TBC1D24: variants seen among roughly 807,000 people sequenced by gnomAD.
The protein encoded by TBC1D24 is Infantile myoclonic epilepsy.
TBC1D24 carries 47 observed loss-of-function variants against 50.7 expected under a neutral mutation model. The observed-to-expected ratio is 0.93, with a 90% CI of 0.73 to 1.18. The LOEUF (loss-of-function observed/expected upper bound fraction) is 1.18. Ranked by LOEUF, TBC1D24 falls within the 50% of genes most tolerant of loss-of-function variation. TBC1D24 has a pLI of 0.00. For synonymous variants in TBC1D24, 324 were observed against 335.2 expected (o/e 0.97, Z 0.36); for missense variants, 688 against 766.5 (o/e 0.90, Z 1.21).
chr16:2,500,486 C>T lies in TBC1D24; in HGVS notation c.1521C>T (p.Ile507=), dbSNP rs1269959991. The T allele has an allele frequency of 6.4e-6, 10 of 1,560,302 alleles. No individual in the cohort carries two copies. The Admixed American group carries it at 7.6e-5, about 12-fold the overall frequency. ...TGGCGGGGGGCAGCGACTGCCTCATCGTCGGTGAGCGCCAGCAGACGGGGC... is the reference window on the plus strand; with the variant it reads ...TGGCGGGGGGCAGCGACTGCCTCATTGTCGGTGAGCGCCAGCAGACGGGGC... ...MFMAGGSDCL[I]VGGGGGQALY... is the part of the protein sequence containing the mutation. Residue 507 remains isoleucine, a synonymous_variant, in exon 7 of 8, where the codon ATC becomes ATT. Coordinates refer to ENST00000646147, the MANE Select transcript of TBC1D24 (RefSeq NM_001199107.2). This position sits in a 1 kb window ranked among gnomAD's most constrained non-coding sequence, Gnocchi z 8.0.
chr16:2,477,645 T>C (rs1479373725), intron 1 of TBC1D24: 1 of 152,228 alleles, frequency 6.6e-6, no homozygotes, highest in Non-Finnish European at 1.5e-5. Context: ...GTGGATTTGG[T>C]GTTAAGACTT....
At chr16:2,498,179 G>T (rs1035228140) in intron 3 of TBC1D24, 59 bp from the exon 4 acceptor site, 7 of 1,545,974 alleles carry the variant, frequency 4.5e-6, no homozygotes, top group East Asian at 4.9e-5. Flanking sequence ...CATACCTCGG[G>T]GGGCATGGCC....
At position 2,487,109 on chromosome 16, in the gene TBC1D24, G is replaced by C. The variant is rs2065656557; in HGVS notation, c.-115-8925G>C. ...CATCCCAGCCCCTCAGCACTGCCAG[G>C]GCCGCCCAGCTCGCCTTCGCCCACT... On this transcript the variant is annotated intron_variant, in intron 1 of 7. Coordinates refer to ENST00000646147, the MANE Select transcript of TBC1D24 (RefSeq NM_001199107.2). The surrounding 1 kb of genome is among the most constrained non-coding windows in gnomAD (Gnocchi z 4.1). Among the ~76,000 whole-genome samples, 1 of 152,210 alleles carries C rather than the reference G, an allele frequency of 6.6e-6. No individual in the cohort carries two copies. Among genetic ancestry groups the C allele is most frequent in the Non-Finnish European group, 1.5e-5 (1 of 68,038 alleles).
rs1219583405 is a variant in TBC1D24, at chr16:2,486,657, T to C, written c.-115-9377T>C. ...TTGGCCCCTTGGTGGCATCTGGGAG[T>C]GTGTGGGAGTGCCTTCTGTGCTGTG... On this transcript the variant is annotated intron_variant, in intron 1 of 7. Coordinates refer to ENST00000646147, the MANE Select transcript of TBC1D24 (RefSeq NM_001199107.2). This position sits in a 1 kb window ranked among gnomAD's most constrained non-coding sequence, Gnocchi z 5.8. 6.6e-6 allele frequency among the ~76,000 whole-genome samples: 1 copy of C among 152,094 alleles called. No homozygotes were observed. The highest frequency in any genetic ancestry group is 2.4e-5 in the African/African-American group (1 of 41,414).
rs1478636392 is a variant in TBC1D24, at chr16:2,496,247, G to T, written c.99G>T (p.Gln33His). The part of the protein sequence containing the change: ...GPKELSCTEL[Q>H]ELKQLARQGY... The stretch of plus-strand genomic sequence containing the variant: ...AGGAGCTGAGCTGCACTGAACTGCA[G>T]GAACTGAAGCAGCTGGCGCGCCAGG... Residue 33 changes from glutamine to histidine, a missense_variant, in exon 2 of 8, where the codon CAG becomes CAT. Transcript: ENST00000646147. The T allele has an allele frequency of 3.7e-6, 6 of 1,613,800 alleles. 1 individual carries two copies. In the South Asian group the frequency reaches 6.6e-5, roughly 18 times the overall value.
chr16:2,499,841 G>A lies in TBC1D24; in HGVS notation c.1213G>A (p.Gly405Ser), dbSNP rs1300068931. ...LIKTTQKEVC[G>S]AYLSTDWSER... Reference sequence around the variant, plus strand: ...ACCCAGACCTTTCCCCCAGGTGTGTGGTGCTTACCTGTCCACAGACTGGAG... The same window carrying A: ...ACCCAGACCTTTCCCCCAGGTGTGTAGTGCTTACCTGTCCACAGACTGGAG... Residue 405 changes from glycine to serine, a missense_variant, in exon 6 of 8, where the codon GGT becomes AGT. Physicochemically the swap from Gly to Ser is moderately conservative, Grantham distance 56 (BLOSUM62 0). Coordinates refer to ENST00000646147, the MANE Select transcript of TBC1D24 (RefSeq NM_001199107.2). This position sits in a 1 kb window ranked among gnomAD's most constrained non-coding sequence, Gnocchi z 4.0. 4 of 1,613,870 alleles carry A rather than the reference G, an allele frequency of 2.5e-6. No individual in the cohort carries two copies. In the Admixed American group the frequency reaches 6.7e-5, roughly 27 times the overall value.
chr16:2,491,952 G>A (rs975652884), intron 1 of TBC1D24, among the ~76,000 whole-genome samples: 15 of 151,818 alleles, frequency 9.9e-5, no homozygotes, highest in Admixed American at 6.6e-4. Context: ...GGTCGTCCCC[G>A]TTCAGCCTCC....
chr16:2,498,420 G>A lies in TBC1D24; in HGVS notation c.1142+24G>A, dbSNP rs747258970. Reference sequence around the variant, plus strand: ...AGGTAACACCCCAAGGGGCCAGAGCGGGCGGCAGAGCCGCCCAGCCACGTG... The same window carrying A: ...AGGTAACACCCCAAGGGGCCAGAGCAGGCGGCAGAGCCGCCCAGCCACGTG... On this transcript the variant is annotated intron_variant, in intron 4 of 7. Coordinates refer to ENST00000646147, the MANE Select transcript of TBC1D24 (RefSeq NM_001199107.2). 2.1e-5 allele frequency: 33 copies of A among 1,585,954 alleles called. No individual in the cohort carries two copies. In the South Asian group the frequency reaches 2.2e-4, roughly 10 times the overall value.
intron 1 of TBC1D24, among the ~76,000 whole-genome samples, chr16:2,495,353 A>G (rs2065728226): frequency 6.6e-6 from 1 of 152,174 alleles, no homozygotes. Context: ...GTCTCAAACA[A>G]AACAAAACAA....
Position 2,484,981 on chromosome 16 carries a change from C to T in TBC1D24, c.-116+9811C>T, listed in dbSNP as rs577546613. ...GCTGAATGCTGGGGCCACCTCTCCC[C>T]TCATGCCTGCCATCCACACCCCGCT... On this transcript the variant is annotated intron_variant, in intron 1 of 7. Transcript: ENST00000646147. 3 of 152,416 alleles carry T rather than the reference C, an allele frequency of 2.0e-5. No individual in the cohort carries two copies. The South Asian group carries it at 6.2e-4, about 32-fold the overall frequency. 9.4% of individuals were successfully genotyped at this position (152,416 alleles called of 1,614,324 possible).
intron 1 of TBC1D24, among the ~76,000 whole-genome samples, chr16:2,491,391 T>A (rs563420864): frequency 3.9e-5 from 6 of 152,120 alleles, no homozygotes; most frequent in African/African-American, 1.2e-4. Context: ...GTTTTCATTT[T>A]ATTTTTTTTT....
intron 1 of TBC1D24, among the ~76,000 whole-genome samples, chr16:2,492,934 A>G (rs1347459744): frequency 2.0e-5 from 3 of 151,602 alleles, no homozygotes; most frequent in Non-Finnish European, 4.4e-5. Flanking sequence ...CTCTACTAAA[A>G]ATACAAAATT....
In TBC1D24 at chr16:2,485,975, A is replaced by G. The variant is rs9924353; in HGVS notation, c.-115-10059A>G. ...ACTCCGAGCTTCCCTGGCAGGCAAC[A>G]AAGCTCTCATCCCTGGATCTTGCGG... is the stretch of plus-strand genomic sequence containing the variant. On this transcript the variant is annotated intron_variant, in intron 1 of 7. Transcript: ENST00000646147. The surrounding 1 kb of genome is among the most constrained non-coding windows in gnomAD (Gnocchi z 4.6). 0.07 allele frequency among the ~76,000 whole-genome samples: 10,718 copies of G among 152,206 alleles called. 1,221 individuals carry two copies. Among genetic ancestry groups the G allele is most frequent in the African/African-American group, 0.24 (9,853 of 41,494 alleles).
rs1054131197 is a variant in TBC1D24 at position 2,499,545 on chromosome 16, C to G, written c.1206+125C>G. The G allele has an allele frequency of 1.1e-6, 1 of 889,132 alleles. No individual in the cohort carries two copies. Among genetic ancestry groups the G allele is most frequent in the East Asian group, 2.6e-5 (1 of 38,256 alleles). The allele number at this position is 889,132 out of a possible 1,614,324, so 55.1% of individuals were successfully genotyped here. ...TCCTGGGCCAGATCCAGAGTCAGAG[C>G]GTGGGTATGGCCAGCACATGGGGCT... On this transcript the variant is annotated intron_variant, in intron 5 of 7. Transcript: ENST00000646147. This position sits in a 1 kb window ranked among gnomAD's most constrained non-coding sequence, Gnocchi z 4.0.
chr16:2,502,721 C>T lies in TBC1D24; in HGVS notation c.*1763C>T, dbSNP rs1311393420. ...GCTCGCAGGGGGATGGGGTGAATCC[C>T]TCTCACGGGGAGAGGTATGGGAGGG... On this transcript the variant is annotated 3_prime_UTR_variant, in exon 8 of 8. Coordinates refer to ENST00000646147, the MANE Select transcript of TBC1D24 (RefSeq NM_001199107.2). 6.5e-6 allele frequency: 1 copy of T among 152,952 alleles called. No individual in the cohort carries two copies. Among genetic ancestry groups the T allele is most frequent in the Admixed American group, 6.5e-5 (1 of 15,288 alleles). 9.5% of individuals were successfully genotyped at this position (152,952 alleles called of 1,614,324 possible). A position where few individuals can be genotyped will look rare whatever the true frequency, so the allele number is the denominator to read the frequency against.
rs2065557282 is a variant in TBC1D24 at position 2,475,340 on chromosome 16, AGCCCGGCACC to A, written c.-116+178_-116+187del. ...GCCACGCGCGGGTTGGGGGCTCCAG[AGCCCGGCACC>A]GCCCGGCGCTGCAGCTGCGGCTTGG... On this transcript the variant is annotated intron_variant, in intron 1 of 7. Coordinates refer to ENST00000646147, the MANE Select transcript of TBC1D24 (RefSeq NM_001199107.2). The surrounding 1 kb of genome is among the most constrained non-coding windows in gnomAD (Gnocchi z 4.2). Among the ~76,000 whole-genome samples the A allele has an allele frequency of 6.6e-6, 1 of 150,754 alleles. No individual in the cohort carries two copies.
rs1459178087 is a variant in TBC1D24, at chr16:2,482,567, T to C, written c.-116+7397T>C. 6.6e-6 allele frequency among the ~76,000 whole-genome samples: 1 copy of C among 151,912 alleles called. No homozygotes were observed. The highest frequency in any genetic ancestry group is 1.5e-5 in the Non-Finnish European group (1 of 67,956). On this transcript the variant is annotated intron_variant, in intron 1 of 7. Transcript: ENST00000646147. This position sits in a 1 kb window ranked among gnomAD's most constrained non-coding sequence, Gnocchi z 5.2. Reference sequence around the variant, plus strand: ...TGTTGTCCGAGGGGCAGGGAGGGGCTGGGTCCTGAAGGGCGGGGGACACCA... The same window carrying C: ...TGTTGTCCGAGGGGCAGGGAGGGGCCGGGTCCTGAAGGGCGGGGGACACCA...
chr16:2,488,345 C>T (rs1230437433), intron 1 of TBC1D24, among the ~76,000 whole-genome samples: 1 of 152,096 alleles, frequency 6.6e-6, no homozygotes, highest in Non-Finnish European at 1.5e-5. Flanking sequence ...AGCCTGTAGC[C>T]ATTTAAAGGG....
At chr16:2,491,626 C>T (rs2065695862) in intron 1 of TBC1D24, among the ~76,000 whole-genome samples, 1 of 151,032 alleles carries the variant, frequency 6.6e-6, no homozygotes, top group South Asian at 2.1e-4. Flanking sequence ...TCCATCTTGG[C>T]TCACTGCAAC....
Sources: gnomAD v4.1 joint callset for allele counts (sites outside exome capture counted in the v4.1 genomes callset) on GRCh38, gnomAD v4.1.1 for gene constraint, Gnocchi (gnomAD v3.1) non-coding constraint, MANE v1.5 for transcripts, NCBI Gene and HGNC (gene_info 2026-07-23, HGNC 2026-07-21) for gene names.